EYA2: variants seen among roughly 807,000 people sequenced by gnomAD.
EYA2 encodes the protein EYA transcriptional coactivator and phosphatase 2.
EYA2 carries 31 observed loss-of-function variants against 69.2 expected under a neutral mutation model. The observed-to-expected ratio is 0.45, with a 90% CI of 0.34 to 0.60. The LOEUF (loss-of-function observed/expected upper bound fraction) is 0.60. Ranked by LOEUF, EYA2 falls within the 20% of genes least tolerant of loss-of-function variation. The pLI, the probability that EYA2 is intolerant of heterozygous loss-of-function variation, is 0.02. For synonymous variants in EYA2, 257 were observed against 279.4 expected (o/e 0.92, Z 0.80); for missense variants, 622 against 701.2 (o/e 0.89, Z 1.28).
intron 5 of EYA2, among the ~76,000 whole-genome samples, chr20:47,071,340 C>T (rs1220263368): frequency 3.3e-5 from 5 of 152,022 alleles, no homozygotes. Flanking sequence ...GACAACATCT[C>T]ACTATGTTGA....
At chr20:47,060,083 C>T (rs1022053310) in intron 5 of EYA2, among the ~76,000 whole-genome samples, 28 of 152,164 alleles carry the variant, frequency 1.8e-4, no homozygotes, top group Admixed American at 1.8e-3. Flanking sequence ...ATCCAGAAGC[C>T]CTGGCTACAT....
At chr20:46,979,746 A>T (rs1205593707) in intron 1 of EYA2, 2 of 152,170 alleles carry the variant, frequency 1.3e-5, no homozygotes, top group Non-Finnish European at 2.9e-5. Context: ...TTTCCGGGTG[A>T]TCCTGATGAC....
rs373050991 is a variant in EYA2 at position 47,089,367 on chromosome 20, G to A, written c.790G>A (p.Asp264Asn). The change falls in exon 8 of 16, where the codon GAC becomes AAC. Residue 264 changes from aspartate (D) to asparagine (N), a missense_variant. This residue lies in a region of EYA2 where 365 missense variants were observed against 349.7 expected (regional missense o/e 1.04). Transcript: ENST00000327619. ...GAGCAGTGACCCGTCCCCGGCAGGG[G>A]ACAATGAGATTGAGGTAATCCAAAG... ...KRSSDPSPAG[D>N]NEIERVFVWD... 235 of 1,613,638 alleles carry A rather than the reference G, an allele frequency of 1.5e-4. No homozygotes were observed. Among genetic ancestry groups the A allele is most frequent in the Middle Eastern group, 8.2e-4 (5 of 6,078 alleles).
intron 1 of EYA2, among the ~76,000 whole-genome samples, chr20:46,913,120 T>G (rs540364085): frequency 6.6e-6 from 1 of 152,348 alleles, no homozygotes; most frequent in South Asian, 2.1e-4. Context: ...ACTCCCACCA[T>G]GGTCACTTAC....
At chr20:47,032,466 C>T (rs1984472847) in intron 5 of EYA2, among the ~76,000 whole-genome samples, 2 of 152,146 alleles carry the variant, frequency 1.3e-5, no homozygotes, top group South Asian at 4.1e-4. Flanking sequence ...TCTATGTATG[C>T]ATTTACGAGC....
intron 8 of EYA2, among the ~76,000 whole-genome samples, chr20:47,091,219 A>C (rs1568772512): frequency 6.6e-6 from 1 of 152,186 alleles, no homozygotes; most frequent in African/African-American, 2.4e-5. Flanking sequence ...CTCCACTCCC[A>C]GGATTAAATG....
intron 11 of EYA2, among the ~76,000 whole-genome samples, chr20:47,169,834 A>G (rs2034282453): frequency 3.3e-5 from 5 of 152,138 alleles, no homozygotes; most frequent in Admixed American, 3.3e-4. Flanking sequence ...CTCCTCCTCC[A>G]GCAGTCTTCG....
At chr20:47,066,717 A>T (rs971171176) in intron 5 of EYA2, among the ~76,000 whole-genome samples, 6 of 152,222 alleles carry the variant, frequency 3.9e-5, no homozygotes, top group African/African-American at 1.2e-4. Context: ...CTAATCAGCC[A>T]TGTGCTCAGC....
intron 1 of EYA2, among the ~76,000 whole-genome samples, chr20:46,915,030 C>T (rs1984835158): frequency 6.6e-6 from 1 of 152,204 alleles, no homozygotes; most frequent in Admixed American, 6.5e-5. Context: ...GATGGGAGGC[C>T]TCTGTCCGTG....
intron 8 of EYA2, among the ~76,000 whole-genome samples, chr20:47,094,330 C>G (rs1408119097): frequency 1.3e-5 from 2 of 152,184 alleles, no homozygotes; most frequent in African/African-American, 4.8e-5. Flanking sequence ...TCAGAAGGTC[C>G]TTCTCAAACA....
chr20:47,088,969 G>A (rs1600700546), intron 7 of EYA2, among the ~76,000 whole-genome samples: 1 of 152,178 alleles, frequency 6.6e-6, no homozygotes, highest in Non-Finnish European at 1.5e-5. Flanking sequence ...TCTCACTAGC[G>A]TTGAAGTGCT....
chr20:46,900,685 A>G (rs1165884506), intron 1 of EYA2, among the ~76,000 whole-genome samples: 2 of 152,196 alleles, frequency 1.3e-5, no homozygotes, highest in Non-Finnish European at 2.9e-5. Flanking sequence ...TCCGTTACCA[A>G]ATATCTCACC....
At chr20:46,987,731 A>G (rs1175597164) in intron 1 of EYA2, among the ~76,000 whole-genome samples, 1 of 151,992 alleles carries the variant, frequency 6.6e-6, no homozygotes, top group Non-Finnish European at 1.5e-5. Context: ...GTTCAAGGCC[A>G]GCCTGGCCAA....
chr20:47,021,997 G>T (rs1340333749), intron 5 of EYA2, among the ~76,000 whole-genome samples: 1 of 152,184 alleles, frequency 6.6e-6, no homozygotes, highest in Admixed American at 6.5e-5. Context: ...AAATAAAGGG[G>T]TTGGGGCGGG....
At chr20:46,942,380 G>A (rs1359322737) in intron 1 of EYA2, among the ~76,000 whole-genome samples, 1 of 151,732 alleles carries the variant, frequency 6.6e-6, no homozygotes, top group Non-Finnish European at 1.5e-5. Context: ...GCTAATTTTT[G>A]TATTTTTTGT....
Position 47,089,355 on chromosome 20 carries a change from T to C in EYA2, c.778T>C (p.Ser260Pro), listed in dbSNP as rs780792138. ...CCGGTCTAAGAGGAGCAGTGACCCG[T>C]CCCCGGCAGGGGACAATGAGATTGA... ...RGRSKRSSDPSPAGDNEIERV... is the reference protein window; with the variant it reads ...RGRSKRSSDPPPAGDNEIERV... The change falls in exon 8 of 16, where the codon TCC becomes CCC. Residue 260 changes from serine to proline, a missense_variant. By Grantham distance (74) the Ser-to-Pro change is moderately conservative. Transcript: ENST00000327619. 27 of 1,613,858 alleles carry C rather than the reference T, an allele frequency of 1.7e-5. No homozygotes were observed. The highest frequency in any genetic ancestry group is 2.2e-5 in the Non-Finnish European group (26 of 1,179,970).
intron 5 of EYA2, 78 bp downstream of exon 5, chr20:47,016,375 A>AT (rs1229405175): frequency 1.2e-5 from 14 of 1,139,698 alleles, no homozygotes; most frequent in Non-Finnish European, 1.7e-5. Flanking sequence ...TCATTCATTC[A>AT]GCAGATTTTT....
chr20:46,931,763 C>T (rs1020568221), intron 1 of EYA2, among the ~76,000 whole-genome samples: 2 of 152,088 alleles, frequency 1.3e-5, no homozygotes, highest in Non-Finnish European at 1.5e-5. Context: ...GTCGGATTTT[C>T]GCTGACCACT....
chr20:47,087,595 A>C (rs141218102), intron 7 of EYA2, among the ~76,000 whole-genome samples: 4 of 152,388 alleles, frequency 2.6e-5, no homozygotes, highest in Non-Finnish European at 5.9e-5. Context: ...ATCTGTGCGT[A>C]AGCAGCAACA....
Sources: gnomAD v4.1 joint callset for allele counts (sites outside exome capture counted in the v4.1 genomes callset) on GRCh38, gnomAD v4.1.1 for gene constraint, gnomAD v4.1.1 regional missense constraint, MANE v1.5 for transcripts, NCBI Gene and HGNC (gene_info 2026-07-23, HGNC 2026-07-21) for gene names.